Variants in CNTN1 observed in about 807,000 individuals in gnomAD.
CNTN1 encodes contactin 1.
Under a neutral mutation model 126.4 loss-of-function variants are expected in CNTN1, and 38 were observed. That is an observed-to-expected ratio of 0.30 (90% CI 0.23 to 0.39). CNTN1 has a LOEUF of 0.39. Among genes scored for constraint, CNTN1 ranks in the 10% least tolerant of loss-of-function variants. CNTN1 has a pLI of 1.00. For missense variants in CNTN1, 1,009 were observed against 1,248.4 expected (o/e 0.81, Z 2.89); for synonymous variants, 413 against 422.6 (o/e 0.98, Z 0.28).
intron 1 of CNTN1, among the ~76,000 whole-genome samples, chr12:40,808,475 C>T (rs926598521): frequency 9.9e-5 from 15 of 151,984 alleles, no homozygotes; most frequent in African/African-American, 3.6e-4. Context: ...AGAATTTCCA[C>T]CATACAGATA....
At chr12:40,772,748 A>G (rs1939392294) in intron 1 of CNTN1, among the ~76,000 whole-genome samples, 1 of 151,960 alleles carries the variant, frequency 6.6e-6, no homozygotes. Flanking sequence ...CTCTGGAATC[A>G]ATGCGCCAGA....
chr12:40,874,508 T>C (rs1450768380), intron 1 of CNTN1, among the ~76,000 whole-genome samples: 1 of 152,144 alleles, frequency 6.6e-6, no homozygotes, highest in East Asian at 1.9e-4. Context: ...TAAAGCAATA[T>C]ATAGAAACAT....
chr12:40,774,896 A>G (rs1939517576), intron 1 of CNTN1, among the ~76,000 whole-genome samples: 2 of 151,588 alleles, frequency 1.3e-5, no homozygotes, highest in Non-Finnish European at 3.0e-5. Context: ...GTACATATTT[A>G]TAAGGTACAT....
intron 15 of CNTN1, among the ~76,000 whole-genome samples, chr12:40,967,367 C>T (rs71449791): frequency 0.033 from 5,067 of 151,816 alleles, 109 homozygotes; most frequent in Middle Eastern, 0.11. Flanking sequence ...GTAGTCCCCC[C>T]TGCTTGGGAG....
intron 1 of CNTN1, among the ~76,000 whole-genome samples, chr12:40,697,172 C>T (rs1941470819): frequency 6.6e-6 from 1 of 152,178 alleles, no homozygotes; most frequent in South Asian, 2.1e-4. Flanking sequence ...TTTTTAGCCT[C>T]ATAACACTTA....
At chr12:40,733,229 T>C (rs536504755) in intron 1 of CNTN1, among the ~76,000 whole-genome samples, 13 of 152,134 alleles carry the variant, frequency 8.5e-5, no homozygotes, top group African/African-American at 2.6e-4. Context: ...TAAAATACAA[T>C]GTTGCCTCCT....
intron 6 of CNTN1, 40 bp downstream of exon 6, chr12:40,924,692 C>T (rs904436514): frequency 1.5e-5 from 16 of 1,056,290 alleles, no homozygotes; most frequent in Admixed American, 1.4e-4. Flanking sequence ...ATCTATGAAA[C>T]AAAATGGACA....
At chr12:40,704,430 C>T (rs1380749073) in intron 1 of CNTN1, among the ~76,000 whole-genome samples, 1 of 152,010 alleles carries the variant, frequency 6.6e-6, no homozygotes, top group Admixed American at 6.6e-5. Flanking sequence ...TGAAAACTCC[C>T]TTTGAGTAGT....
At chr12:40,911,235 C>T (rs1157686114) in intron 3 of CNTN1, among the ~76,000 whole-genome samples, 2 of 152,106 alleles carry the variant, frequency 1.3e-5, no homozygotes, top group Non-Finnish European at 1.5e-5. Flanking sequence ...CACCCGCAAC[C>T]ACGCCCGGCT....
At chr12:40,761,043 TA>T (rs1938845528) in intron 1 of CNTN1, among the ~76,000 whole-genome samples, 1 of 152,188 alleles carries the variant, frequency 6.6e-6, no homozygotes, top group Admixed American at 6.5e-5. Context: ...ATGTGCATTA[TA>T]ATCTTCAGAG....
intron 1 of CNTN1, among the ~76,000 whole-genome samples, chr12:40,881,077 A>G (rs762342658): frequency 1.3e-5 from 2 of 151,988 alleles, no homozygotes; most frequent in African/African-American, 2.4e-5. Context: ...TTATAACTGG[A>G]TAAGCATAGA....
intron 23 of CNTN1, among the ~76,000 whole-genome samples, chr12:41,050,566 C>A (rs1326429264): frequency 6.6e-6 from 1 of 152,168 alleles, no homozygotes; most frequent in Non-Finnish European, 1.5e-5. Context: ...CCAGGTCCCT[C>A]CCCCAACACT....
chr12:40,901,078 AC>A (rs1944584744), intron 1 of CNTN1, among the ~76,000 whole-genome samples: 1 of 152,142 alleles, frequency 6.6e-6, no homozygotes, highest in African/African-American at 2.4e-5. Context: ...TAAGCCACTA[AC>A]TTGTACATTT....
intron 1 of CNTN1, among the ~76,000 whole-genome samples, chr12:40,853,925 A>G (rs1942808231): frequency 6.6e-6 from 1 of 151,286 alleles, no homozygotes; most frequent in African/African-American, 2.4e-5. Context: ...AAATGTGTTT[A>G]TGTATACCTG....
chr12:40,799,154 C>G (rs1940553243), intron 1 of CNTN1, among the ~76,000 whole-genome samples: 1 of 151,242 alleles, frequency 6.6e-6, no homozygotes, highest in South Asian at 2.1e-4. Flanking sequence ...AAATAAATCT[C>G]ATAATCTATA....
At chr12:40,734,843 A>C (rs1942581972) in intron 1 of CNTN1, among the ~76,000 whole-genome samples, 1 of 152,086 alleles carries the variant, frequency 6.6e-6, no homozygotes, top group African/African-American at 2.4e-5. Context: ...GGAAACCTTG[A>C]AGGAAGAGAA....
At chr12:40,828,474 A>G (rs974271129) in intron 1 of CNTN1, among the ~76,000 whole-genome samples, 4 of 152,116 alleles carry the variant, frequency 2.6e-5, no homozygotes, top group African/African-American at 9.7e-5. Flanking sequence ...ATTTGATAGT[A>G]TTGGACCATA....
chr12:41,036,495 T>G (rs888084699), intron 23 of CNTN1, among the ~76,000 whole-genome samples: 3 of 152,172 alleles, frequency 2.0e-5, no homozygotes, highest in African/African-American at 7.2e-5. Context: ...GCTCTTAGCT[T>G]CTAAATCAGT....
Position 40,980,929 on chromosome 12 carries a change from G to A in CNTN1, c.1825G>A (p.Gly609Ser), listed in dbSNP as rs772879954. 4.3e-6 allele frequency: 7 copies of A among 1,613,900 alleles called. No individual in the cohort carries two copies. The Admixed American group carries it at 1.0e-4, about 23-fold the overall frequency. The change falls in exon 16 of 24, where the codon GGT becomes AGT. Residue 609 changes from glycine to serine, a missense_variant. By Grantham distance (56) the Gly-to-Ser change is moderately conservative (BLOSUM62 0). Transcript: ENST00000551295. ...VVRGPPGPPGGLRIEDIRATS... is the reference protein window; with the variant it reads ...VVRGPPGPPGSLRIEDIRATS... ...TTCAGGCCCTCCAGGCCCTCCAGGT[G>A]GTCTGAGAATAGAAGACATTAGAGC...
Sources: gnomAD v4.1 joint callset for allele counts (sites outside exome capture counted in the v4.1 genomes callset) on GRCh38, gnomAD v4.1.1 for gene constraint, MANE v1.5 for transcripts, NCBI Gene and HGNC (gene_info 2026-07-23, HGNC 2026-07-21) for gene names.